Variants in CDK15 observed in about 807,000 individuals in gnomAD.
CDK15 encodes cyclin-dependent kinase 15.
A neutral mutation model predicts 60.3 loss-of-function variants in CDK15; 62 were observed. The observed-to-expected ratio is 1.03, with a 90% CI of 0.84 to 1.27. CDK15 has a LOEUF of 1.27. CDK15 is among the 50% of genes most tolerant of loss of function. The pLI, the probability that CDK15 is intolerant of heterozygous loss-of-function variation, is 0.00. For synonymous variants in CDK15, 194 were observed against 195.7 expected (o/e 0.99, Z 0.07); for missense variants, 541 against 527.8 (o/e 1.03, Z -0.25).
intron 3 of CDK15, among the ~76,000 whole-genome samples, chr2:201,808,988 G>C (rs1277479985): frequency 2.0e-5 from 3 of 151,850 alleles, no homozygotes; most frequent in African/African-American, 4.8e-5. Flanking sequence ...GCAGTGGTGC[G>C]ATCTCAGATG....
At chr2:201,852,878 A>C (rs1216175894) in intron 9 of CDK15, among the ~76,000 whole-genome samples, 1 of 152,272 alleles carries the variant, frequency 6.6e-6, no homozygotes, top group Non-Finnish European at 1.5e-5. Context: ...AAGATTAAAA[A>C]AACTTTTTTT....
rs377517876 is a variant in CDK15, at chr2:201,823,651, G to A, written c.544-14G>A. On this transcript the variant is annotated splice_polypyrimidine_tract_variant and intron_variant, in intron 5 of 13. Coordinates refer to ENST00000652192, the MANE Select transcript of CDK15 (RefSeq NM_001366386.2). The stretch of plus-strand genomic sequence containing the variant: ...TAAATTCACTCACTTCTCTTTCTCC[G>A]CTGTTTTATTTAGCACACAGACCTG... 2.8e-5 allele frequency: 45 copies of A among 1,612,016 alleles called. No homozygotes were observed. Among genetic ancestry groups the A allele is most frequent in the Middle Eastern group, 1.6e-4 (1 of 6,080 alleles).
At chr2:201,856,944 C>A (rs574536932) in intron 10 of CDK15, among the ~76,000 whole-genome samples, 1 of 49,824 alleles carries the variant, frequency 2.0e-5, no homozygotes, top group East Asian at 3.3e-4. Context: ...TGGGTTCCGG[C>A]CGGGCGCGGT....
chr2:201,892,913 G>A (rs958030653), intron 13 of CDK15, among the ~76,000 whole-genome samples: 4 of 152,164 alleles, frequency 2.6e-5, no homozygotes, highest in East Asian at 3.8e-4. Context: ...TCAAAATGTC[G>A]GTTTCAGGCA....
At chr2:201,864,794 G>T (rs1363476459) in intron 10 of CDK15, among the ~76,000 whole-genome samples, 1 of 152,190 alleles carries the variant, frequency 6.6e-6, no homozygotes, top group African/African-American at 2.4e-5. Flanking sequence ...TTGAGATTAA[G>T]GTATCTGTGG....
chr2:201,876,438 G>T, intron 11 of CDK15: 2 of 485,144 alleles, frequency 4.1e-6, no homozygotes, highest in Non-Finnish European at 7.7e-6. Context: ...TAATGGTCTT[G>T]CTACCAGTGC....
intron 10 of CDK15, among the ~76,000 whole-genome samples, chr2:201,860,360 T>C (rs1269967251): frequency 6.6e-6 from 1 of 152,228 alleles, no homozygotes; most frequent in Non-Finnish European, 1.5e-5. Flanking sequence ...GTCAATGCAT[T>C]TGCCAAATTG....
At chr2:201,887,645 G>T (rs1455664053) in intron 12 of CDK15, among the ~76,000 whole-genome samples, 1 of 152,126 alleles carries the variant, frequency 6.6e-6, no homozygotes, top group Non-Finnish European at 1.5e-5. Context: ...CGAATGCAAG[G>T]GTTCATATAA....
At chr2:201,809,926 A>G (rs977336367) in intron 3 of CDK15, among the ~76,000 whole-genome samples, 8 of 152,092 alleles carry the variant, frequency 5.3e-5, no homozygotes. Flanking sequence ...CCTTATTTAT[A>G]AAACTGTAGT....
At chr2:201,858,878 G>C (rs896008172) in intron 10 of CDK15, among the ~76,000 whole-genome samples, 1 of 152,244 alleles carries the variant, frequency 6.6e-6, no homozygotes, top group South Asian at 2.1e-4. Context: ...AAAGAAGTGG[G>C]TGTTGCTCTG....
intron 5 of CDK15, among the ~76,000 whole-genome samples, chr2:201,823,399 T>G (rs1193741151): frequency 6.6e-6 from 1 of 152,188 alleles, no homozygotes; most frequent in Non-Finnish European, 1.5e-5. Context: ...AATTCCTGCG[T>G]CGTTGTGTTC....
At chr2:201,886,225 C>T (rs527453491) in intron 12 of CDK15, among the ~76,000 whole-genome samples, 58 of 152,258 alleles carry the variant, frequency 3.8e-4, no homozygotes, top group African/African-American at 1.2e-3. Flanking sequence ...TAGAGATTTA[C>T]ACCCCAGGAC....
chr2:201,890,691 T>G, intron 12 of CDK15, 94 bp from the exon 13 acceptor site: 1 of 885,624 alleles, frequency 1.1e-6, no homozygotes, highest in Admixed American at 2.4e-5. Context: ...GTTTTGACAT[T>G]TCTTCAGGTG....
At chr2:201,818,950 T>C (rs1489404033) in intron 4 of CDK15, among the ~76,000 whole-genome samples, 1 of 144,904 alleles carries the variant, frequency 6.9e-6, no homozygotes, top group African/African-American at 2.6e-5. Flanking sequence ...ACTGAGTATA[T>C]AGCAATAAGC....
chr2:201,871,798 G>A (rs988714043), intron 10 of CDK15, among the ~76,000 whole-genome samples: 26 of 152,032 alleles, frequency 1.7e-4, no homozygotes, highest in African/African-American at 5.8e-4. Context: ...AGTTGGTTCC[G>A]TGGGAGGGAT....
intron 10 of CDK15, among the ~76,000 whole-genome samples, chr2:201,856,178 G>A (rs923023295): frequency 6.6e-6 from 1 of 152,152 alleles, no homozygotes; most frequent in South Asian, 2.1e-4. Context: ...GGTTTCCTGA[G>A]AGCAAGAAAT....
intron 4 of CDK15, among the ~76,000 whole-genome samples, chr2:201,817,664 C>G (rs1406235063): frequency 6.6e-6 from 1 of 152,160 alleles, no homozygotes; most frequent in Non-Finnish European, 1.5e-5. Flanking sequence ...TACAATGAGG[C>G]AGGGGAGGAG....
At chr2:201,835,888 T>G (rs1696988515) in intron 8 of CDK15, 125 bp downstream of exon 8, 1 of 256,026 alleles carries the variant, frequency 3.9e-6, no homozygotes, top group Non-Finnish European at 6.1e-6. Flanking sequence ...ATATTTATAT[T>G]TATATATTTT....
At chr2:201,888,483 G>A (rs1292203624) in intron 12 of CDK15, 1 of 1,534,816 alleles carries the variant, frequency 6.5e-7, no homozygotes, top group Non-Finnish European at 8.7e-7. Context: ...CGATAATTAT[G>A]CTGTCAGCCT....
Sources: gnomAD v4.1 joint callset for allele counts (sites outside exome capture counted in the v4.1 genomes callset) on GRCh38, gnomAD v4.1.1 for gene constraint, MANE v1.5 for transcripts, NCBI Gene and HGNC (gene_info 2026-07-23, HGNC 2026-07-21) for gene names.